Variants in BACE2 observed in about 807,000 individuals in gnomAD.
BACE2 encodes beta-secretase 2, also known as 56 kDa aspartic-like protease.
Under a neutral mutation model 46.2 loss-of-function variants are expected in BACE2, and 17 were observed. The ratio of observed to expected loss-of-function variants is 0.37; its 90% CI spans 0.25 to 0.55. The LOEUF is 0.55. BACE2 is among the 20% of genes least tolerant of loss of function. The pLI, the probability that BACE2 is intolerant of heterozygous loss-of-function variation, is 0.82. For synonymous variants in BACE2, 277 were observed against 295.9 expected (o/e 0.94, Z 0.66); for missense variants, 595 against 698.1 (o/e 0.85, Z 1.66).
At chr21:41,265,530 G>C (rs1209808108) in intron 8 of BACE2, among the ~76,000 whole-genome samples, 3 of 151,970 alleles carry the variant, frequency 2.0e-5, no homozygotes, top group African/African-American at 7.3e-5. Context: ...TCTCGGTGTA[G>C]TTTTAATTTG....
At chr21:41,179,159 G>C (rs1984977508) in intron 1 of BACE2, 1 of 1,270,198 alleles carries the variant, frequency 7.9e-7, no homozygotes, top group Non-Finnish European at 1.0e-6. Flanking sequence ...GGGTGTCCAG[G>C]GTGAGGAGTG....
rs73364479 is a variant in BACE2, at chr21:41,209,439, C to T, written c.313-16827C>T. 5.5e-3 allele frequency among the ~76,000 whole-genome samples: 844 copies of T among 152,294 alleles called. 12 individuals are homozygous for T. The highest frequency in any genetic ancestry group is 0.02 in the African/African-American group (815 of 41,556). On this transcript the variant is annotated intron_variant, in intron 1 of 8. Transcript: ENST00000330333. ...TCTGGACATGGGAGTGTGGCTGACA[C>T]TACCTCTGCGGGTTTCAGTGCAGAG...
chr21:41,267,786 G>A (rs1450613087), intron 8 of BACE2, among the ~76,000 whole-genome samples: 2 of 151,978 alleles, frequency 1.3e-5, no homozygotes, highest in East Asian at 1.9e-4. Flanking sequence ...CTTTCACATG[G>A]TTGCAGAAAA....
At chr21:41,199,043 C>A (rs2123525383) in intron 1 of BACE2, among the ~76,000 whole-genome samples, 2 of 131,156 alleles carry the variant, frequency 1.5e-5, no homozygotes, top group East Asian at 5.2e-4. Flanking sequence ...CACGACAGGC[C>A]CCCATGTGTG....
At chr21:41,274,957 C>T (rs926968605) in intron 8 of BACE2, among the ~76,000 whole-genome samples, 3 of 152,164 alleles carry the variant, frequency 2.0e-5, no homozygotes, top group Non-Finnish European at 1.5e-5. Flanking sequence ...GAGCTTTCTG[C>T]GGTAAATTCT....
intron 1 of BACE2, among the ~76,000 whole-genome samples, chr21:41,174,372 AC>A (rs1188212257): frequency 6.6e-6 from 1 of 151,286 alleles, no homozygotes; most frequent in African/African-American, 2.4e-5. Flanking sequence ...TGATCTCTTG[AC>A]CTAGTGATCT....
At chr21:41,258,623 T>C (rs1987851281) in intron 8 of BACE2, among the ~76,000 whole-genome samples, 1 of 152,170 alleles carries the variant, frequency 6.6e-6, no homozygotes, top group South Asian at 2.1e-4. Context: ...GAGTGGCCTT[T>C]CAGAAAAGTA....
intron 5 of BACE2, among the ~76,000 whole-genome samples, chr21:41,244,451 T>C (rs529072644): frequency 4.6e-5 from 7 of 151,984 alleles, no homozygotes; most frequent in Admixed American, 4.6e-4. Flanking sequence ...GTTCTCTGGC[T>C]GGCCAGGGTG....
intron 1 of BACE2, chr21:41,177,227 G>A (rs1984887776): frequency 6.6e-6 from 1 of 152,296 alleles, no homozygotes; most frequent in South Asian, 2.1e-4. Flanking sequence ...GCAGTCTTGG[G>A]CTGGAGGACG....
chr21:41,244,837 C>G (rs939964354), intron 5 of BACE2, among the ~76,000 whole-genome samples: 31 of 151,694 alleles, frequency 2.0e-4, no homozygotes, highest in African/African-American at 6.3e-4. Context: ...ATCGAATGTC[C>G]GAATGTAAAA....
intron 1 of BACE2, among the ~76,000 whole-genome samples, chr21:41,223,439 T>C (rs1250228324): frequency 6.6e-6 from 1 of 152,006 alleles, no homozygotes; most frequent in Non-Finnish European, 1.5e-5. Context: ...GGGCCATGCA[T>C]CCTCTGAGAC....
intron 3 of BACE2, among the ~76,000 whole-genome samples, chr21:41,237,972 G>A (rs878920694): frequency 4.6e-5 from 7 of 152,182 alleles, no homozygotes; most frequent in Admixed American, 1.3e-4. Context: ...TTTTATTTTC[G>A]TTTTATAGTT....
At chr21:41,214,421 A>G (rs190871237) in intron 1 of BACE2, among the ~76,000 whole-genome samples, 22 of 152,322 alleles carry the variant, frequency 1.4e-4, no homozygotes, top group Admixed American at 3.9e-4. Context: ...ATTTTGTAAA[A>G]TCTGATGATG....
chr21:41,169,337 C>A (rs1984513393), intron 1 of BACE2, among the ~76,000 whole-genome samples: 2 of 151,922 alleles, frequency 1.3e-5, no homozygotes, highest in Admixed American at 1.3e-4. Flanking sequence ...CAAGTGGTAT[C>A]CCGATTACAA....
chr21:41,231,122 T>C (rs1164473284), intron 2 of BACE2, among the ~76,000 whole-genome samples: 1 of 152,228 alleles, frequency 6.6e-6, no homozygotes, highest in African/African-American at 2.4e-5. Context: ...TGGCTTTCCA[T>C]TCAATGAGGA....
chr21:41,194,274 G>C (rs1407643036), intron 1 of BACE2, among the ~76,000 whole-genome samples: 1 of 152,110 alleles, frequency 6.6e-6, no homozygotes, highest in African/African-American at 2.4e-5. Context: ...TTGCTGCTTT[G>C]CCTCTGCTGT....
At chr21:41,196,191 G>T (rs555226900) in intron 1 of BACE2, among the ~76,000 whole-genome samples, 14 of 152,194 alleles carry the variant, frequency 9.2e-5, no homozygotes, top group Admixed American at 6.5e-4. Context: ...CCAGCTGCTT[G>T]GGAGGCTGAG....
intron 2 of BACE2, among the ~76,000 whole-genome samples, chr21:41,231,667 A>C (rs977461999): frequency 1.3e-5 from 2 of 152,252 alleles, no homozygotes; most frequent in Admixed American, 1.3e-4. Flanking sequence ...CATCTTCTGA[A>C]TTTGGTTCAA....
intron 1 of BACE2, chr21:41,179,844 T>C (rs1172124346): frequency 2.7e-5 from 11 of 404,410 alleles, no homozygotes; most frequent in Non-Finnish European, 4.8e-5. Flanking sequence ...CCCTGACACA[T>C]GGATGTAAGT....
Sources: gnomAD v4.1 joint callset for allele counts (sites outside exome capture counted in the v4.1 genomes callset) on GRCh38, gnomAD v4.1.1 for gene constraint, MANE v1.5 for transcripts, NCBI Gene and HGNC (gene_info 2026-07-23, HGNC 2026-07-21) for gene names.